The following WDPCP variants were observed in gnomAD, a reference collection of about 807,000 sequenced individuals.
The protein encoded by WDPCP is WD repeat-containing and planar cell polarity effector protein fritz homolog.
In WDPCP, 71 loss-of-function variants were observed where a neutral mutation model predicts 93.1. The observed-to-expected ratio is 0.76, with a 90% confidence interval of 0.63 to 0.93. The LOEUF (loss-of-function observed/expected upper bound fraction) is 0.93. Ranked by LOEUF, WDPCP falls within the 40% of genes least tolerant of loss-of-function variation. The pLI is 0.00. For missense variants in WDPCP, 844 were observed against 887.4 expected (o/e 0.95, Z 0.62); for synonymous variants, 315 against 315.0 (o/e 1.00, Z 0.00).
At chr2:63,328,189 C>T (rs572928658) in intron 12 of WDPCP, among the ~76,000 whole-genome samples, 2 of 152,174 alleles carry the variant, frequency 1.3e-5, no homozygotes, top group South Asian at 2.1e-4. Context: ...ATAAGCACTC[C>T]GTCAAAACGG....
At chr2:63,787,139 T>C (rs1670479569) in intron 2 of WDPCP, among the ~76,000 whole-genome samples, 1 of 152,178 alleles carries the variant, frequency 6.6e-6, no homozygotes, top group African/African-American at 2.4e-5. Context: ...ACAGAATAGC[T>C]AAATTTTAAA....
intron 9 of WDPCP, among the ~76,000 whole-genome samples, chr2:63,416,691 T>G (rs905982127): frequency 8.6e-5 from 13 of 151,928 alleles, no homozygotes; most frequent in Non-Finnish European, 1.6e-4. Context: ...GTCCAGCTAA[T>G]TTTTGTATTT....
chr2:63,439,595 C>T (rs1697362950), intron 7 of WDPCP, among the ~76,000 whole-genome samples, 162 bp downstream of exon 7: 1 of 151,994 alleles, frequency 6.6e-6, no homozygotes, highest in African/African-American at 2.4e-5. Context: ...AAATATTAGT[C>T]GAAACTTGTA....
At chr2:63,788,480 T>C (rs1019114132) in intron 2 of WDPCP, among the ~76,000 whole-genome samples, 1 of 152,206 alleles carries the variant, frequency 6.6e-6, no homozygotes, top group African/African-American at 2.4e-5. Flanking sequence ...TGTTTGCAGC[T>C]ACAACTTGGA....
intron 3 of WDPCP, among the ~76,000 whole-genome samples, chr2:63,648,483 C>T (rs891321616): frequency 1.3e-5 from 2 of 152,160 alleles, no homozygotes; most frequent in African/African-American, 4.8e-5. Context: ...ATTACCACCA[C>T]AATCAAGGTA....
At chr2:63,300,934 A>T (rs374341523) in intron 13 of WDPCP, among the ~76,000 whole-genome samples, 16 of 151,676 alleles carry the variant, frequency 1.1e-4, no homozygotes, top group African/African-American at 3.9e-4. Context: ...TGGTCTGGAG[A>T]GCATGTGGCA....
intron 1 of WDPCP, among the ~76,000 whole-genome samples, chr2:63,555,106 G>GGCGGCAGCCATCATTGCA (rs1276057761): frequency 4.4e-4 from 67 of 152,324 alleles, no homozygotes; most frequent in Non-Finnish European, 2.5e-4. Context: ...CAGGGAGAGG[G>GGCGGCAGCCATCATTGCA]GCGGCAGCCA....
chr2:63,809,938 TA>T (rs569852634), intron 2 of WDPCP, among the ~76,000 whole-genome samples: 4,221 of 150,746 alleles, frequency 0.028, 75 homozygotes, highest in African/African-American at 0.046. Flanking sequence ...AAAATTAAAT[TA>T]AAAAAAAAAT....
rs377654337 is a variant in WDPCP, at chr2:63,605,612, G to A, written n.488+45047C>T. 2.2e-4 allele frequency among the ~76,000 whole-genome samples: 33 copies of A among 152,300 alleles called. 1 individual carries two copies. The South Asian group carries it at 6.8e-3, about 32-fold the overall frequency. On this transcript the variant is annotated intron_variant and non_coding_transcript_variant, in intron 3 of 4. Coordinates refer to the WDPCP transcript ENST00000467687. ...TACTATTATACACAGGGTTGTGAGG[G>A]TTAAAGGAGATTGCACATGGAAAAC... is the stretch of plus-strand genomic sequence containing the variant.
intron 6 of WDPCP, among the ~76,000 whole-genome samples, chr2:63,476,747 A>G (rs1699997875): frequency 6.6e-6 from 1 of 152,216 alleles, no homozygotes; most frequent in South Asian, 2.1e-4. Flanking sequence ...AAAACATGGT[A>G]TGTCTATTAT....
At chr2:63,136,472 T>C (rs1670626874) in intron 17 of WDPCP, among the ~76,000 whole-genome samples, 1 of 152,130 alleles carries the variant, frequency 6.6e-6, no homozygotes, top group Non-Finnish European at 1.5e-5. Context: ...ATCTATTATA[T>C]ACAGACACAT....
At chr2:63,561,116 C>T (rs1706578858) in intron 1 of WDPCP, among the ~76,000 whole-genome samples, 2 of 152,142 alleles carry the variant, frequency 1.3e-5, no homozygotes, top group South Asian at 2.1e-4. Flanking sequence ...TACAGAAACC[C>T]TAGAAGAAAA....
intron 14 of WDPCP, among the ~76,000 whole-genome samples, chr2:63,234,888 C>T (rs1377500279): frequency 6.6e-6 from 1 of 152,040 alleles, no homozygotes; most frequent in Non-Finnish European, 1.5e-5. Flanking sequence ...TTGTAAAGCC[C>T]TTCAAAGATG....
chr2:63,661,807 A>C (rs1710229633), intron 2 of WDPCP, among the ~76,000 whole-genome samples: 1 of 152,186 alleles, frequency 6.6e-6, no homozygotes. Context: ...GAGAGCCATC[A>C]CCAAGGCTAT....
rs1673480177 is a variant in WDPCP, at chr2:63,172,625, A to G, written c.2078+2045T>C. On this transcript the variant is annotated intron_variant, in intron 15 of 17. Transcript: ENST00000272321. Reference sequence around the variant, plus strand: ...TTATAAACAATACAGAACATTATACAAGGAAAAATGAAACTACATGACAAT... The same window carrying G: ...TTATAAACAATACAGAACATTATACGAGGAAAAATGAAACTACATGACAAT... 4.6e-5 allele frequency among the ~76,000 whole-genome samples: 7 copies of G among 152,282 alleles called. No homozygotes were observed. The South Asian group carries it at 1.5e-3, about 32-fold the overall frequency.
At chr2:63,446,517 C>T (rs1697879540) in intron 6 of WDPCP, among the ~76,000 whole-genome samples, 1 of 152,162 alleles carries the variant, frequency 6.6e-6, no homozygotes, top group Non-Finnish European at 1.5e-5. Flanking sequence ...TTTTCCATGT[C>T]TTCATTAGGC....
chr2:63,389,409 T>G (rs2104994160), intron 10 of WDPCP, among the ~76,000 whole-genome samples: 1 of 152,090 alleles, frequency 6.6e-6, no homozygotes, highest in East Asian at 1.9e-4. Flanking sequence ...GCACTAAACA[T>G]GGAAAAGAAC....
chr2:63,256,787 A>C (rs964735239), intron 14 of WDPCP, among the ~76,000 whole-genome samples: 1 of 152,200 alleles, frequency 6.6e-6, no homozygotes, highest in African/African-American at 2.4e-5. Flanking sequence ...GCAACATACG[A>C]AAGATTCTCA....
At chr2:63,304,116 C>A (rs749339796) in intron 13 of WDPCP, among the ~76,000 whole-genome samples, 2 of 152,076 alleles carry the variant, frequency 1.3e-5, no homozygotes, top group Non-Finnish European at 2.9e-5. Context: ...TACCATTCAA[C>A]CCAGCAATCC....
Sources: allele counts gnomAD v4.1 joint callset (sites outside exome capture counted in the v4.1 genomes callset), GRCh38; gene constraint gnomAD v4.1.1; transcripts MANE v1.5; gene names NCBI Gene and HGNC (gene_info 2026-07-23, HGNC 2026-07-21).